VRK3: variants seen among roughly 807,000 people sequenced by gnomAD.
The protein encoded by VRK3 is VRK serine/threonine kinase 3.
VRK3 carries 50 observed loss-of-function variants against 60.4 expected under a neutral mutation model. That is an observed-to-expected ratio of 0.83 (90% confidence interval 0.66 to 1.05). The LOEUF (loss-of-function observed/expected upper bound fraction) is 1.05, where lower values mean the gene tolerates loss of function less well. VRK3 is among the 50% of genes least tolerant of loss of function. The pLI, the probability that VRK3 is intolerant of heterozygous loss-of-function variation, is 0.00. For synonymous variants in VRK3, 246 were observed against 227.8 expected (o/e 1.08, Z -0.72); for missense variants, 549 against 585.3 (o/e 0.94, Z 0.64).
intron 3 of VRK3, 179 bp downstream of exon 3, chr19:50,015,845 T>A (rs578060254): frequency 1.6e-5 from 12 of 755,760 alleles, no homozygotes; most frequent in African/African-American, 1.4e-4. Context: ...TTCAAAGCCA[T>A]GAGGCCAATA....
Position 50,016,100 on chromosome 19 carries a change from G to A in VRK3, c.63C>T (p.Tyr21=), listed in dbSNP as rs1424058557. The change falls in exon 3 of 15, where the codon TAC becomes TAT. Residue 21 remains tyrosine, a synonymous_variant. Transcript: ENST00000316763. ...CCTCTACAGGCAAAGAATTTCCACA[G>A]TAGGGGCAGAATTTGAATGCCGCTT... The part of the protein sequence containing the change: ...SIQAAFKFCP[Y]CGNSLPVEEH... 5.6e-6 allele frequency: 9 copies of A among 1,614,116 alleles called. No homozygotes were observed. The highest frequency in any genetic ancestry group is 1.6e-4 in the Middle Eastern group (1 of 6,084).
At chr19:50,024,949 C>T (rs1333129268) in intron 1 of VRK3, 1 of 152,264 alleles carries the variant, frequency 6.6e-6, no homozygotes, top group Non-Finnish European at 1.5e-5. Context: ...TAGGCGACGA[C>T]AGAGCCTCCC....
rs1013260814 is a variant in VRK3, at chr19:50,024,884, C to T, written c.-65+383G>A. 3.9e-5 allele frequency: 6 copies of T among 152,348 alleles called. No individual in the cohort carries two copies. The East Asian group carries it at 1.2e-3, about 29-fold the overall frequency. 9.4% of individuals were successfully genotyped at this position (152,348 alleles called of 1,614,324 possible). ...TCCTCCTAGAAAGTTCAGGAAACAG[C>T]ACAGCAAAAAGGCTAAAAGTCAGAC... On this transcript the variant is annotated intron_variant, in intron 1 of 14. Transcript: ENST00000316763.
At position 49,979,205 on chromosome 19, in the gene VRK3, G is replaced by A. The variant is rs763467121; in HGVS notation, c.1314C>T (p.Leu438=). Residue 438 remains leucine, a synonymous_variant, in exon 14 of 15, where the codon CTC becomes CTT. Coordinates refer to ENST00000316763, the MANE Select transcript of VRK3 (RefSeq NM_016440.4). ...CGTAGGGCGGCTTCTCCTCATACGT[G>A]AGGGCCATCACCACCTTCAGGTACT... ...LQKYLKVVMA[L]TYEEKPPYAM... is the part of the protein sequence containing the mutation. The A allele has an allele frequency of 1.2e-6, 2 of 1,613,968 alleles. No individual in the cohort carries two copies. Among genetic ancestry groups the A allele is most frequent in the Non-Finnish European group, 1.7e-6 (2 of 1,180,018 alleles).
intron 5 of VRK3, among the ~76,000 whole-genome samples, chr19:50,003,533 G>C (rs1039174990): frequency 1.3e-5 from 2 of 152,228 alleles, no homozygotes; most frequent in African/African-American, 4.8e-5. Flanking sequence ...CTCCCCTATA[G>C]CTCAGCGAGG....
intron 12 of VRK3, among the ~76,000 whole-genome samples, chr19:49,984,478 C>T (rs942217639): frequency 1.3e-5 from 2 of 152,178 alleles, no homozygotes; most frequent in African/African-American, 2.4e-5. Context: ...GCTACCTCCA[C>T]CCTCACCTGC....
chr19:49,990,447 C>T (rs964435295), intron 10 of VRK3, among the ~76,000 whole-genome samples: 4 of 151,652 alleles, frequency 2.6e-5, no homozygotes, highest in East Asian at 1.9e-4. Flanking sequence ...AGTGCAGTGG[C>T]GCGATCACGG....
At chr19:49,994,607 A>G (rs1409628806) in intron 9 of VRK3, among the ~76,000 whole-genome samples, 3 of 152,190 alleles carry the variant, frequency 2.0e-5, no homozygotes, top group Non-Finnish European at 4.4e-5. Flanking sequence ...TCCTTCCTCC[A>G]ATGCTCATGG....
intron 7 of VRK3, among the ~76,000 whole-genome samples, chr19:49,995,523 T>C (rs565479489): frequency 6.6e-6 from 1 of 152,330 alleles, no homozygotes; most frequent in South Asian, 2.1e-4. Context: ...AGGAAGCATA[T>C]ACAAGTCTGG....
chr19:50,019,661 C>CA (rs2122657670), intron 2 of VRK3, among the ~76,000 whole-genome samples: 1 of 130,402 alleles, frequency 7.7e-6, no homozygotes, highest in African/African-American at 2.9e-5. Flanking sequence ...AGGCATGTGC[C>CA]ACCATGCCTG....
chr19:50,005,926 C>T (rs1221262342), intron 5 of VRK3, among the ~76,000 whole-genome samples: 3 of 149,214 alleles, frequency 2.0e-5, no homozygotes, highest in Non-Finnish European at 4.4e-5. Flanking sequence ...CAGAAACGTC[C>T]TGGAATTAGA....
chr19:49,992,234 C>T (rs2076623959), intron 10 of VRK3, among the ~76,000 whole-genome samples: 1 of 152,140 alleles, frequency 6.6e-6, no homozygotes, highest in African/African-American at 2.4e-5. Flanking sequence ...ATGGAGAAAC[C>T]CCATCTCTAC....
intron 10 of VRK3, among the ~76,000 whole-genome samples, chr19:49,992,550 T>C (rs7254357): frequency 0.011 from 1,663 of 152,348 alleles, 26 homozygotes; most frequent in African/African-American, 0.038. Flanking sequence ...ATTATTATCA[T>C]GCTTAATTTT....
At chr19:49,976,930 G>C (rs2122967927) in intron 14 of VRK3, 146 bp from the exon 15 acceptor site, 1 of 152,408 alleles carries the variant, frequency 6.6e-6, no homozygotes, top group South Asian at 2.1e-4. Flanking sequence ...GGGATGAGGA[G>C]CCCCTGCTGG....
intron 12 of VRK3, among the ~76,000 whole-genome samples, chr19:49,984,253 C>T (rs2076474920): frequency 6.6e-6 from 1 of 152,128 alleles, no homozygotes; most frequent in Admixed American, 6.5e-5. Flanking sequence ...CCTGGGTGTC[C>T]AGCACAGCCA....
intron 10 of VRK3, among the ~76,000 whole-genome samples, chr19:49,992,522 T>C (rs1237587804): frequency 3.3e-5 from 5 of 152,262 alleles, no homozygotes; most frequent in Non-Finnish European, 1.5e-5. Flanking sequence ...CTTCCTTATA[T>C]CCTTATCAGC....
chr19:50,001,934 C>T (rs924929406), intron 5 of VRK3, among the ~76,000 whole-genome samples: 3 of 152,118 alleles, frequency 2.0e-5, no homozygotes, highest in Non-Finnish European at 4.4e-5. Flanking sequence ...GAGTCTGCAT[C>T]CCCCTTCACG....
chr19:49,990,024 A>G (rs1402273682), intron 10 of VRK3, among the ~76,000 whole-genome samples: 2 of 151,066 alleles, frequency 1.3e-5, no homozygotes, highest in Admixed American at 1.3e-4. Context: ...CATCATTCCA[A>G]AATTTTTTTT....
rs1450581390 is a variant in VRK3, at chr19:50,001,070, T to C, written c.548-216A>G. ...TATCCAGCCATGCAGGAAGGGCTAA[T>C]GCAGCAGGCCTGAGACGGCTCTCCT... is the stretch of plus-strand genomic sequence containing the variant. On this transcript the variant is annotated intron_variant, in intron 5 of 14. Transcript: ENST00000316763. The C allele has an allele frequency of 1.1e-5, 6 of 530,172 alleles. No homozygotes were observed. The Admixed American group carries it at 2.1e-4, about 18-fold the overall frequency. The allele number at this position is 530,172 out of a possible 1,614,324, so 32.8% of individuals were successfully genotyped here.
Sources: allele counts gnomAD v4.1 joint callset (sites outside exome capture counted in the v4.1 genomes callset), GRCh38; gene constraint gnomAD v4.1.1; transcripts MANE v1.5; gene names NCBI Gene and HGNC (gene_info 2026-07-23, HGNC 2026-07-21).